The following FMN1 variants were observed in gnomAD, a reference collection of about 807,000 sequenced individuals.
FMN1 encodes the protein formin-1.
A neutral mutation model predicts 132.4 loss-of-function variants in FMN1; 110 were observed. That is an observed-to-expected ratio of 0.83 (90% CI 0.71 to 0.97). FMN1 has a LOEUF of 0.97. FMN1 is among the 50% of genes least tolerant of loss of function. The pLI, the probability that FMN1 is intolerant of heterozygous loss-of-function variation, is 0.00. For missense variants in FMN1, 1,792 were observed against 1,705.3 expected (o/e 1.05, Z -0.90); for synonymous variants, 722 against 651.7 (o/e 1.11, Z -1.64).
chr15:33,037,807 C>T (rs2036255366), intron 6 of FMN1, among the ~76,000 whole-genome samples: 1 of 152,236 alleles, frequency 6.6e-6, no homozygotes, highest in Non-Finnish European at 1.5e-5. Context: ...TTTGCTTAAA[C>T]ACTTACTAAG....
chr15:32,976,188 T>G (rs2032188156), intron 7 of FMN1, among the ~76,000 whole-genome samples: 1 of 152,122 alleles, frequency 6.6e-6, no homozygotes, highest in African/African-American at 2.4e-5. Flanking sequence ...CTCTTCCAAA[T>G]TCTACATCCC....
At chr15:33,092,499 C>T (rs1301426277) in intron 4 of FMN1, among the ~76,000 whole-genome samples, 4 of 152,140 alleles carry the variant, frequency 2.6e-5, no homozygotes, top group East Asian at 1.9e-4. Context: ...GGCTGTAAGA[C>T]GCACGGTGTG....
intron 15 of FMN1, among the ~76,000 whole-genome samples, chr15:32,897,577 A>T (rs2060190533): frequency 2.6e-5 from 4 of 152,250 alleles, no homozygotes; most frequent in African/African-American, 7.2e-5. Context: ...GTTGGATCAC[A>T]GAATACGTGT....
intron 7 of FMN1, among the ~76,000 whole-genome samples, chr15:33,007,446 A>T (rs539061794): frequency 3.3e-5 from 5 of 152,260 alleles, no homozygotes; most frequent in African/African-American, 1.2e-4. Flanking sequence ...GGGAAAGTCA[A>T]CTAGATGGCA....
intron 3 of FMN1, among the ~76,000 whole-genome samples, chr15:33,156,842 G>C (rs1412914364): frequency 1.3e-5 from 2 of 152,184 alleles, no homozygotes; most frequent in African/African-American, 4.8e-5. Flanking sequence ...AGCAGCAGAT[G>C]AGCTATGCTG....
At position 33,178,755 on chromosome 15, in the gene FMN1, A is replaced by G. The variant is rs189079414; in HGVS notation, c.-132+1443T>C. ...GTGACTGGTACATAGTAAGTACTAT[A>G]TAAGTAATTGCTACTATTATGTGCT... On this transcript the variant is annotated intron_variant, in intron 3 of 20. Coordinates refer to ENST00000616417, the MANE Select transcript of FMN1 (RefSeq NM_001277313.2). 3.0e-4 allele frequency among the ~76,000 whole-genome samples: 45 copies of G among 152,360 alleles called. 1 individual carries two copies. Among genetic ancestry groups the G allele is most frequent in the Admixed American group, 1.0e-3 (16 of 15,306 alleles).
intron 9 of FMN1, among the ~76,000 whole-genome samples, chr15:32,937,168 T>G (rs1439656544): frequency 6.6e-6 from 1 of 152,186 alleles, no homozygotes; most frequent in Non-Finnish European, 1.5e-5. Flanking sequence ...CATATCATCA[T>G]CTTTCTTCTC....
intron 7 of FMN1, among the ~76,000 whole-genome samples, chr15:32,999,795 G>C (rs1490891789): frequency 3.3e-5 from 5 of 152,330 alleles, no homozygotes; most frequent in African/African-American, 1.2e-4. Context: ...AACTGCTTAA[G>C]GTGTTGGTCA....
intron 19 of FMN1, among the ~76,000 whole-genome samples, chr15:32,792,911 TCA>T (rs2057140618): frequency 6.6e-6 from 1 of 152,166 alleles, no homozygotes; most frequent in East Asian, 1.9e-4. Flanking sequence ...CTCCTTGCAT[TCA>T]GATTGTTATA....
intron 4 of FMN1, among the ~76,000 whole-genome samples, chr15:33,105,581 C>CA (rs1373145219): frequency 1.3e-5 from 2 of 152,264 alleles, no homozygotes; most frequent in East Asian, 3.9e-4. Context: ...GAAAGGTTTA[C>CA]AGACTATATG....
chr15:33,018,067 GAAAA>G (rs57158332), intron 6 of FMN1, among the ~76,000 whole-genome samples: 30 of 142,984 alleles, frequency 2.1e-4, no homozygotes, highest in Middle Eastern at 3.5e-3. Flanking sequence ...TACCTCTCAA[GAAAA>G]AAAAAAAAAA....
At chr15:32,912,717 T>C (rs907217942) in intron 10 of FMN1, among the ~76,000 whole-genome samples, 1 of 151,966 alleles carries the variant, frequency 6.6e-6, no homozygotes, top group African/African-American at 2.4e-5. Flanking sequence ...TTTCTTTTTC[T>C]GAAGGAACAC....
At chr15:32,780,829 C>G (rs1001464257) in intron 19 of FMN1, among the ~76,000 whole-genome samples, 1 of 152,136 alleles carries the variant, frequency 6.6e-6, no homozygotes, top group South Asian at 2.1e-4. Context: ...ATGTAAGCTG[C>G]TATTGTTACT....
At chr15:33,156,447 A>G (rs1027197005) in intron 3 of FMN1, among the ~76,000 whole-genome samples, 4 of 151,054 alleles carry the variant, frequency 2.6e-5, no homozygotes, top group African/African-American at 9.7e-5. Context: ...CCACCCAGCT[A>G]GTTTTTTTGT....
chr15:32,882,364 T>G (rs2059791897), intron 16 of FMN1, among the ~76,000 whole-genome samples: 1 of 152,214 alleles, frequency 6.6e-6, no homozygotes, highest in Non-Finnish European at 1.5e-5. Flanking sequence ...TAACACTTAC[T>G]TTGAAGGAGT....
At chr15:33,087,591 T>C (rs1425132181) in intron 5 of FMN1, among the ~76,000 whole-genome samples, 1 of 152,088 alleles carries the variant, frequency 6.6e-6, no homozygotes, top group Non-Finnish European at 1.5e-5. Flanking sequence ...CAGGGAAGGC[T>C]ATGTTTTTCT....
intron 9 of FMN1, among the ~76,000 whole-genome samples, chr15:32,955,776 G>A (rs144654748): frequency 4.6e-5 from 7 of 151,934 alleles, no homozygotes; most frequent in East Asian, 1.9e-4. Flanking sequence ...ACTCTCTTCC[G>A]ATATGGAAGA....
intron 16 of FMN1, among the ~76,000 whole-genome samples, chr15:32,870,234 T>C (rs987512077): frequency 1.3e-5 from 2 of 152,144 alleles, no homozygotes; most frequent in African/African-American, 2.4e-5. Flanking sequence ...GTCATAAAAA[T>C]CATTCCATAC....
At chr15:32,802,045 C>G (rs781629265) in intron 18 of FMN1, among the ~76,000 whole-genome samples, 2 of 152,218 alleles carry the variant, frequency 1.3e-5, no homozygotes. Flanking sequence ...CTCTAATATA[C>G]AGGAAACAAA....
Sources: allele counts gnomAD v4.1 joint callset (sites outside exome capture counted in the v4.1 genomes callset), GRCh38; gene constraint gnomAD v4.1.1; transcripts MANE v1.5; gene names NCBI Gene and HGNC (gene_info 2026-07-23, HGNC 2026-07-21).